MYRIP: variants seen among roughly 807,000 people sequenced by gnomAD.
MYRIP encodes the protein myosin VIIA and Rab interacting protein, also known as rab effector MyRIP.
Under a neutral mutation model 98.0 loss-of-function variants are expected in MYRIP, and 49 were observed. The ratio of observed to expected loss-of-function variants is 0.50; its 90% CI spans 0.40 to 0.63. The LOEUF (loss-of-function observed/expected upper bound fraction) is 0.63. MYRIP is among the 30% of genes least tolerant of loss of function. MYRIP has a pLI of 0.00. For synonymous variants in MYRIP, 404 were observed against 409.5 expected (o/e 0.99, Z 0.16); for missense variants, 1,004 against 1,058.2 (o/e 0.95, Z 0.71).
chr3:39,902,079 C>A (rs902526358), intron 2 of MYRIP, among the ~76,000 whole-genome samples: 1 of 152,088 alleles, frequency 6.6e-6, no homozygotes, highest in South Asian at 2.1e-4. Context: ...AAGGACGTCC[C>A]CAAGGTTTTT....
intron 2 of MYRIP, among the ~76,000 whole-genome samples, chr3:39,959,057 G>T (rs1299973114): frequency 6.6e-6 from 1 of 152,166 alleles, no homozygotes; most frequent in Non-Finnish European, 1.5e-5. Flanking sequence ...GGAGAAATAG[G>T]AACACTTTTA....
chr3:40,149,013 G>A (rs1395577291), intron 3 of MYRIP, among the ~76,000 whole-genome samples: 2 of 152,184 alleles, frequency 1.3e-5, no homozygotes, highest in Non-Finnish European at 2.9e-5. Context: ...GATATCTGAT[G>A]GGCAGGCATG....
chr3:40,114,007 T>A (rs1032433807), intron 3 of MYRIP, among the ~76,000 whole-genome samples: 1 of 152,136 alleles, frequency 6.6e-6, no homozygotes, highest in Non-Finnish European at 1.5e-5. Context: ...ACTTTTATAA[T>A]CTTAGCGTGG....
rs546459499 is a variant in MYRIP at position 40,162,949 on chromosome 3, G to A, written c.550+139G>A. ...TACTACTGTGTGTGAGTCTCCCTGG[G>A]TCACTTATTATTGCCAATTGTATGA... On this transcript the variant is annotated intron_variant, in intron 5 of 16. Transcript: ENST00000302541. 1.2e-5 allele frequency: 8 copies of A among 695,446 alleles called. 1 individual carries two copies. In the South Asian group the frequency reaches 1.6e-4, roughly 14 times the overall value. 43.1% of individuals were successfully genotyped at this position (695,446 alleles called of 1,614,324 possible). A position where few individuals can be genotyped will look rare whatever the true frequency, so the allele number is the denominator to read the frequency against.
chr3:39,857,081 T>G (rs552655913), intron 1 of MYRIP, among the ~76,000 whole-genome samples: 1 of 151,924 alleles, frequency 6.6e-6, no homozygotes, highest in South Asian at 2.1e-4. Context: ...GGCATGGTGG[T>G]GTATGCCTAT....
intron 12 of MYRIP, among the ~76,000 whole-genome samples, chr3:40,235,460 T>C (rs534067666): frequency 6.6e-6 from 1 of 152,362 alleles, no homozygotes; most frequent in South Asian, 2.1e-4. Flanking sequence ...AAGAATGGGT[T>C]GTTAAAAGTG....
At chr3:40,237,287 T>C (rs764117176) in intron 12 of MYRIP, among the ~76,000 whole-genome samples, 1 of 152,184 alleles carries the variant, frequency 6.6e-6, no homozygotes, top group Non-Finnish European at 1.5e-5. Context: ...TGTTCACTCA[T>C]CCATCTCCCA....
intron 11 of MYRIP, among the ~76,000 whole-genome samples, chr3:40,212,726 CAG>C (rs2125671279): frequency 6.6e-6 from 1 of 152,196 alleles, no homozygotes; most frequent in African/African-American, 2.4e-5. Flanking sequence ...GCCTGGGTGA[CAG>C]AGTGAGACCC....
At chr3:39,885,509 C>T (rs1295614963) in intron 1 of MYRIP, among the ~76,000 whole-genome samples, 5 of 151,970 alleles carry the variant, frequency 3.3e-5, no homozygotes, top group African/African-American at 9.7e-5. Context: ...ATCTTTCTGG[C>T]GTTCTCTGTA....
chr3:40,018,208 T>G (rs1946912632), intron 2 of MYRIP, among the ~76,000 whole-genome samples: 1 of 152,234 alleles, frequency 6.6e-6, no homozygotes, highest in Admixed American at 6.5e-5. Flanking sequence ...TTTTGTATTC[T>G]TTTGCTCCCT....
chr3:40,115,567 G>GA lies in MYRIP; in HGVS notation c.333-35480dup, dbSNP rs373214315. 2.1e-3 allele frequency among the ~76,000 whole-genome samples: 315 copies of GA among 152,250 alleles called. 4 individuals are homozygous for GA. Among genetic ancestry groups the GA allele is most frequent in the African/African-American group, 7.3e-3 (304 of 41,540 alleles). On this transcript the variant is annotated intron_variant, in intron 3 of 16. Coordinates refer to ENST00000302541, the MANE Select transcript of MYRIP (RefSeq NM_015460.4). ...CCTGCTCCCACCTTTGACATGAGGG[G>GA]ATTATTACAATTCAAGGTGAGATTT... is the stretch of plus-strand genomic sequence containing the variant.
chr3:39,957,662 T>G (rs1945202934), intron 2 of MYRIP, among the ~76,000 whole-genome samples: 1 of 152,098 alleles, frequency 6.6e-6, no homozygotes, highest in Admixed American at 6.6e-5. Flanking sequence ...CAACATAGTG[T>G]TGGAAGTTCT....
At chr3:39,837,156 G>T (rs373942058) in intron 1 of MYRIP, among the ~76,000 whole-genome samples, 1 of 151,872 alleles carries the variant, frequency 6.6e-6, no homozygotes, top group Non-Finnish European at 1.5e-5. Context: ...GAATCCCAAC[G>T]CTGTAGGTTG....
intron 11 of MYRIP, among the ~76,000 whole-genome samples, chr3:40,226,863 T>A (rs1168028004): frequency 2.0e-5 from 3 of 152,170 alleles, no homozygotes; most frequent in African/African-American, 7.2e-5. Context: ...CCCAGACTCC[T>A]GAGGCTGGCA....
intron 3 of MYRIP, among the ~76,000 whole-genome samples, chr3:40,135,440 C>T (rs1402765970): frequency 6.6e-6 from 1 of 152,134 alleles, no homozygotes; most frequent in Admixed American, 6.5e-5. Context: ...AAGAATGGAA[C>T]CAAGTTGGAA....
intron 3 of MYRIP, among the ~76,000 whole-genome samples, chr3:40,044,633 A>G (rs894218124): frequency 2.0e-5 from 3 of 152,174 alleles, no homozygotes; most frequent in Admixed American, 6.5e-5. Flanking sequence ...TGCAGGAAAC[A>G]TGATGGTGAA....
At chr3:39,822,434 A>G (rs938300280) in intron 1 of MYRIP, among the ~76,000 whole-genome samples, 65 of 151,910 alleles carry the variant, frequency 4.3e-4, no homozygotes, top group African/African-American at 1.5e-3. Flanking sequence ...AAATTCGTAA[A>G]CTTTCTTAAA....
At chr3:40,214,981 A>C (rs1332291629) in intron 11 of MYRIP, among the ~76,000 whole-genome samples, 2 of 152,150 alleles carry the variant, frequency 1.3e-5, no homozygotes, top group African/African-American at 4.8e-5. Context: ...CAAAATTCCA[A>C]AGTTGTAGAT....
At chr3:39,924,422 G>A (rs114558972) in intron 2 of MYRIP, among the ~76,000 whole-genome samples, 116 of 152,152 alleles carry the variant, frequency 7.6e-4, no homozygotes, top group African/African-American at 2.0e-3. Context: ...GTCGATCAAC[G>A]AAGAAGGCAT....
Sources: allele counts gnomAD v4.1 joint callset (sites outside exome capture counted in the v4.1 genomes callset), GRCh38; gene constraint gnomAD v4.1.1; transcripts MANE v1.5; gene names NCBI Gene and HGNC (gene_info 2026-07-23, HGNC 2026-07-21).